FRMD3: variants seen among roughly 807,000 people sequenced by gnomAD.
The protein encoded by FRMD3 is FERM domain-containing protein 3.
In FRMD3, 33 loss-of-function variants were observed where a neutral mutation model predicts 70.2. The ratio of observed to expected loss-of-function variants is 0.47; its 90% CI spans 0.36 to 0.63. FRMD3 has a LOEUF of 0.63. Ranked by LOEUF, FRMD3 falls within the 20% of genes least tolerant of loss-of-function variation. FRMD3 has a pLI of 0.00. For synonymous variants in FRMD3, 279 were observed against 255.9 expected (o/e 1.09, Z -0.86); for missense variants, 632 against 711.4 (o/e 0.89, Z 1.27).
intron 1 of FRMD3, among the ~76,000 whole-genome samples, chr9:83,496,854 C>T (rs1016832830): frequency 2.7e-5 from 4 of 150,808 alleles, no homozygotes; most frequent in Non-Finnish European, 4.4e-5. Context: ...TGGCTCACAC[C>T]TGTAATTCTA....
Position 83,309,612 on chromosome 9 carries a change from A to C in FRMD3, c.850T>G (p.Leu284Val). The change falls in exon 10 of 14, where the codon TTG (leucine) becomes GTG (valine). Residue 284 changes from leucine (L) to valine (V), a missense_variant. Around this residue, in one of 3 missense-constraint regions of FRMD3, gnomAD observed 418 missense variants for 442.1 expected, o/e 0.95. Coordinates refer to ENST00000304195, the MANE Select transcript of FRMD3 (RefSeq NM_174938.6). ...GCTGGTGTTGAAGTATGGAATGCCA[A>C]CATGGCTTTTTTCTAATTAAAAAAT... ...IGTQKEKKAM[L>V]AFHTSTPAAC... The C allele has an allele frequency of 6.3e-7, 1 of 1,583,960 alleles. No homozygotes were observed. Among genetic ancestry groups the C allele is most frequent in the Non-Finnish European group, 8.6e-7 (1 of 1,164,554 alleles).
Position 83,426,013 on chromosome 9 carries a change from G to A in FRMD3, c.148-36305C>T, listed in dbSNP as rs546639068. ...CACAGGCTTAGTCCATAAGAAATGT[G>A]TGCACATGTGCTCACAAGCGTGAGC... On this transcript the variant is annotated intron_variant, in intron 1 of 13. Transcript: ENST00000304195. Among the ~76,000 whole-genome samples, 19 of 151,648 alleles carry A rather than the reference G, an allele frequency of 1.3e-4. No individual in the cohort carries two copies. In the South Asian group the frequency reaches 2.9e-3, roughly 23 times the overall value.
At chr9:83,433,828 T>A (rs1827052634) in intron 1 of FRMD3, among the ~76,000 whole-genome samples, 1 of 152,126 alleles carries the variant, frequency 6.6e-6, no homozygotes, top group East Asian at 1.9e-4. Flanking sequence ...AGAGCTCAGG[T>A]GGTAATGCCA....
chr9:83,427,962 G>A (rs748427629), intron 1 of FRMD3, among the ~76,000 whole-genome samples: 4 of 152,164 alleles, frequency 2.6e-5, no homozygotes, highest in Admixed American at 1.3e-4. Context: ...ATAAGTAAGC[G>A]CGACCAGTTT....
the FRMD3 span, among the ~76,000 whole-genome samples, chr9:83,572,079 G>C: frequency 2.0e-5 from 3 of 152,100 alleles, no homozygotes; most frequent in Admixed American, 1.3e-4. Flanking sequence ...AGAACCACTA[G>C]ACTCACAGAA....
chr9:83,248,311 A>G lies in FRMD3; in HGVS notation c.1401T>C (p.Phe467=), dbSNP rs563899036. 6.2e-7 allele frequency: 1 copy of G among 1,614,212 alleles called. No homozygotes were observed. The highest frequency in any genetic ancestry group is 2.2e-5 in the East Asian group (1 of 44,880). ...PVDDDEIDML[F]DCPSRLELER... ...CCAACTCAAGCCTAGAAGGACAGTCAAAGAGCATGTCAATCTCATCGTCAT... is the reference window on the plus strand; with the variant it reads ...CCAACTCAAGCCTAGAAGGACAGTCGAAGAGCATGTCAATCTCATCGTCAT... The change falls in exon 14 of 14, where the codon TTT becomes TTC. Residue 467 remains phenylalanine (F), a synonymous_variant. Transcript: ENST00000304195.
intron 2 of FRMD3, among the ~76,000 whole-genome samples, chr9:83,374,587 A>G (rs1825084754): frequency 6.6e-6 from 1 of 152,210 alleles, no homozygotes; most frequent in Admixed American, 6.5e-5. Flanking sequence ...CAAGATGCTT[A>G]ATCTCTCTGT....
chr9:83,262,290 C>T (rs1833028909), intron 13 of FRMD3, among the ~76,000 whole-genome samples: 1 of 152,190 alleles, frequency 6.6e-6, no homozygotes, highest in African/African-American at 2.4e-5. Flanking sequence ...GTAAATGACA[C>T]CATATTTTCT....
At chr9:83,538,473 C>T (rs1341029957), upstream of FRMD3, 3 of 346,244 alleles carry the variant, frequency 8.7e-6, no homozygotes, top group Admixed American at 9.6e-5. This position sits in a 1 kb window ranked among gnomAD's most constrained non-coding sequence, Gnocchi z 4.7. Context: ...CTGTCGCGCG[C>T]GCTCGTGCGC....
the FRMD3 span, among the ~76,000 whole-genome samples, chr9:83,567,701 A>G: frequency 6.6e-5 from 10 of 152,334 alleles, no homozygotes; most frequent in South Asian, 2.1e-3. Context: ...AAATGCAGCC[A>G]GCCTCTTTGC....
chr9:83,271,506 G>C (rs1183269236), intron 13 of FRMD3, among the ~76,000 whole-genome samples: 1 of 152,184 alleles, frequency 6.6e-6, no homozygotes. Context: ...ACATCACTGA[G>C]AGACTGAGAG....
intron 3 of FRMD3, chr9:83,350,569 G>T (rs553850636): frequency 6.4e-6 from 1 of 155,674 alleles, no homozygotes; most frequent in African/African-American, 2.9e-5. Flanking sequence ...GTTGCAGTGA[G>T]CTGACATTGC....
At chr9:83,513,223 C>A (rs897915550) in intron 1 of FRMD3, among the ~76,000 whole-genome samples, 2 of 152,190 alleles carry the variant, frequency 1.3e-5, no homozygotes, top group African/African-American at 2.4e-5. Context: ...TTTGGCCACA[C>A]AAAACTACAC....
At chr9:83,550,491 G>A in the FRMD3 span, among the ~76,000 whole-genome samples, 105 of 152,158 alleles carry the variant, frequency 6.9e-4, no homozygotes, top group African/African-American at 2.2e-3. Flanking sequence ...GAATGTCATT[G>A]GTAGTTTGAT....
intron 6 of FRMD3, among the ~76,000 whole-genome samples, chr9:83,322,697 A>G (rs1292864238): frequency 6.6e-6 from 1 of 152,180 alleles, no homozygotes; most frequent in Non-Finnish European, 1.5e-5. Flanking sequence ...CTCATACACA[A>G]GATCATAAAA....
chr9:83,571,793 C>A, the FRMD3 span, among the ~76,000 whole-genome samples: 1 of 152,184 alleles, frequency 6.6e-6, no homozygotes, highest in African/African-American at 2.4e-5. Flanking sequence ...TTGACCTTGA[C>A]AGAGGAATTT....
At chr9:83,458,749 C>G (rs1564087732) in intron 1 of FRMD3, among the ~76,000 whole-genome samples, 2 of 152,072 alleles carry the variant, frequency 1.3e-5, no homozygotes, top group Non-Finnish European at 2.9e-5. Flanking sequence ...CAGAAAATAT[C>G]CAAATCAAGA....
At chr9:83,429,438 TACAA>T (rs1471590097) in intron 1 of FRMD3, among the ~76,000 whole-genome samples, 1 of 152,114 alleles carries the variant, frequency 6.6e-6, no homozygotes, top group Non-Finnish European at 1.5e-5. Context: ...TTCCTCAGCT[TACAA>T]ACATTCTCCC....
chr9:83,246,396 A>C lies in FRMD3; in HGVS notation c.*1522T>G. 1 of 984,782 alleles carries C rather than the reference A, an allele frequency of 1.0e-6. No homozygotes were observed. Among genetic ancestry groups the C allele is most frequent in the Non-Finnish European group, 1.2e-6 (1 of 829,520 alleles). 61.0% of individuals were successfully genotyped at this position (984,782 alleles called of 1,614,324 possible). ...TCTAGTACCTTCCTTGATACCATTA[A>C]ATTGTTGGATTAAATCCTTTCCATC... is the stretch of plus-strand genomic sequence containing the variant. On this transcript the variant is annotated 3_prime_UTR_variant, in exon 14 of 14. Transcript: ENST00000304195.
Sources: allele counts gnomAD v4.1 joint callset (sites outside exome capture counted in the v4.1 genomes callset), GRCh38; gene constraint gnomAD v4.1.1; regional missense constraint gnomAD v4.1.1; non-coding constraint Gnocchi (gnomAD v3.1); transcripts MANE v1.5; gene names NCBI Gene and HGNC (gene_info 2026-07-23, HGNC 2026-07-21).